The following PLXNA4 variants were observed in gnomAD, a reference collection of about 807,000 sequenced individuals.
PLXNA4 encodes the protein plexin-A4.
Under a neutral mutation model 191.8 loss-of-function variants are expected in PLXNA4, and 44 were observed. That is an observed-to-expected ratio of 0.23 (90% CI 0.18 to 0.29). The LOEUF is 0.29. Among genes scored for constraint, PLXNA4 ranks in the 10% least tolerant of loss-of-function variants. The pLI, the probability that PLXNA4 is intolerant of heterozygous loss-of-function variation, is 1.00. For synonymous variants in PLXNA4, 1,082 were observed against 1,009.5 expected, an observed-to-expected ratio of 1.07 and a Z score of -1.36; for missense variants, 1,800 against 2,488.8, an observed-to-expected ratio of 0.72 and a Z score of 5.89.
chr7:132,364,141 C>T (rs1234708973), intron 3 of PLXNA4, among the ~76,000 whole-genome samples: 1 of 152,164 alleles, frequency 6.6e-6, no homozygotes, highest in Non-Finnish European at 1.5e-5. Context: ...AGAATGCAGA[C>T]CCCTTCGTGG....
intron 2 of PLXNA4, among the ~76,000 whole-genome samples, chr7:132,632,912 C>T (rs1424632432): frequency 6.6e-6 from 1 of 152,124 alleles, no homozygotes; most frequent in Non-Finnish European, 1.5e-5. Flanking sequence ...ATTAGCTCTT[C>T]TAATCTCTGT....
chr7:132,341,323 TATA>T (rs1803018574), intron 3 of PLXNA4, among the ~76,000 whole-genome samples: 2 of 152,144 alleles, frequency 1.3e-5, no homozygotes, highest in Non-Finnish European at 2.9e-5. Flanking sequence ...TACAGCACAC[TATA>T]ATTTTATGTA....
At chr7:132,451,298 G>T (rs1796114475) in intron 3 of PLXNA4, among the ~76,000 whole-genome samples, 1 of 152,118 alleles carries the variant, frequency 6.6e-6, no homozygotes, top group South Asian at 2.1e-4. Context: ...TGCACCCTGG[G>T]CCTCCTCTTT....
chr7:132,447,742 C>T (rs925419954), intron 3 of PLXNA4, among the ~76,000 whole-genome samples: 2 of 151,926 alleles, frequency 1.3e-5, no homozygotes, highest in African/African-American at 4.8e-5. Flanking sequence ...AATGCCAACA[C>T]TTTGGGAGGC....
At chr7:132,381,415 T>C (rs1488069830) in intron 3 of PLXNA4, among the ~76,000 whole-genome samples, 1 of 152,234 alleles carries the variant, frequency 6.6e-6, no homozygotes, top group Non-Finnish European at 1.5e-5. Context: ...AATGGCCAAA[T>C]AAGTTTGAAG....
chr7:132,577,902 G>A (rs987653867), upstream of PLXNA4, among the ~76,000 whole-genome samples: 1 of 152,106 alleles, frequency 6.6e-6, no homozygotes, highest in Non-Finnish European at 1.5e-5. Flanking sequence ...CGAGGACACT[G>A]AGGGCACAAG....
intron 1 of PLXNA4, among the ~76,000 whole-genome samples, chr7:132,547,321 G>A (rs1244189495): frequency 6.6e-6 from 1 of 152,108 alleles, no homozygotes; most frequent in Non-Finnish European, 1.5e-5. Context: ...CAAACTGGTG[G>A]GATGTGAATT....
chr7:132,557,215 G>A (rs1800838990), intron 1 of PLXNA4, among the ~76,000 whole-genome samples: 2 of 152,146 alleles, frequency 1.3e-5, no homozygotes. Flanking sequence ...AATTAGATGT[G>A]GAGTCAGACC....
chr7:132,504,988 G>A (rs527557137), intron 2 of PLXNA4, among the ~76,000 whole-genome samples: 6 of 152,190 alleles, frequency 3.9e-5, no homozygotes, highest in Non-Finnish European at 8.8e-5. Context: ...AAAGGAACTC[G>A]GGTATCTGCC....
rs201014370 is a variant in PLXNA4 at position 132,187,648 on chromosome 7, G to T, written c.2857-41C>A. ...GTGGCCTGAGACACAACCAGGAAGG[G>T]GTGGAGGAGGCTTCTGGGCAGGCGT... On this transcript the variant is annotated intron_variant, in intron 14 of 31. Coordinates refer to ENST00000321063, the MANE Select transcript of PLXNA4 (RefSeq NM_020911.2). 193 of 1,573,360 alleles carry T rather than the reference G, an allele frequency of 1.2e-4. 3 individuals are homozygous for T. The South Asian group carries it at 2.1e-3, about 17-fold the overall frequency.
In PLXNA4 at chr7:132,209,148, T is replaced by C. The variant is rs530730861; in HGVS notation, c.2298+1795A>G. ...CTCATGCTGTTGTCTGGAGTATCTT[T>C]GTCTATTAACGGAGTCAACCAAAGG... On this transcript the variant is annotated intron_variant, in intron 10 of 31. Transcript: ENST00000321063. Among the ~76,000 whole-genome samples the C allele has an allele frequency of 4.6e-5, 7 of 152,346 alleles. No homozygotes were observed. The East Asian group carries it at 1.4e-3, about 29-fold the overall frequency.
Position 132,127,345 on chromosome 7 carries a change from G to T in PLXNA4, c.*3134C>A, listed in dbSNP as rs1234963806. 6.6e-6 allele frequency: 1 copy of T among 152,024 alleles called. No individual in the cohort carries two copies. Among genetic ancestry groups the T allele is most frequent in the African/African-American group, 2.4e-5 (1 of 41,384 alleles). The allele number at this position is 152,024 out of a possible 1,614,324, so 9.4% of individuals were successfully genotyped here. On this transcript the variant is annotated 3_prime_UTR_variant, in exon 32 of 32. Coordinates refer to ENST00000321063, the MANE Select transcript of PLXNA4 (RefSeq NM_020911.2). ...TTGCCTCGAGGGAGGCCGTGAAGGGGCCTCCATCCCACAGGACAAAGTTGG... is the reference window on the plus strand; with the variant it reads ...TTGCCTCGAGGGAGGCCGTGAAGGGTCCTCCATCCCACAGGACAAAGTTGG...
intron 13 of PLXNA4, among the ~76,000 whole-genome samples, chr7:132,197,798 A>G (rs1351449973): frequency 6.6e-6 from 1 of 152,250 alleles, no homozygotes; most frequent in Non-Finnish European, 1.5e-5. Context: ...CGAAGAGTCA[A>G]TAACTTATGC....
At chr7:132,151,576 AAAG>A (rs1795642454) in intron 25 of PLXNA4, among the ~76,000 whole-genome samples, 3 of 22,854 alleles carry the variant, frequency 1.3e-4, no homozygotes, top group South Asian at 1.6e-3. Flanking sequence ...GGAGGAGGAG[AAAG>A]GAGGAGGAGA....
At chr7:132,452,811 T>C (rs1796171969) in intron 3 of PLXNA4, among the ~76,000 whole-genome samples, 1 of 152,186 alleles carries the variant, frequency 6.6e-6, no homozygotes, top group African/African-American at 2.4e-5. Flanking sequence ...TGGTCAGAAA[T>C]GCAGGTCCTA....
intron 14 of PLXNA4, among the ~76,000 whole-genome samples, chr7:132,192,593 T>G (rs1399440375): frequency 6.6e-6 from 1 of 151,100 alleles, no homozygotes; most frequent in African/African-American, 2.4e-5. Flanking sequence ...GGAAGGAGAA[T>G]GAAAGCCAAA....
intron 5 of PLXNA4, among the ~76,000 whole-genome samples, chr7:132,229,260 T>C (rs907163773): frequency 3.9e-5 from 6 of 152,212 alleles, no homozygotes; most frequent in Non-Finnish European, 5.9e-5. Context: ...TCTTCAGTGC[T>C]CTGTGCTGTG....
chr7:132,440,008 GTGTA>G (rs1156732877), intron 3 of PLXNA4, among the ~76,000 whole-genome samples: 3 of 151,902 alleles, frequency 2.0e-5, no homozygotes, highest in Admixed American at 6.6e-5. Context: ...GTGTGTGTGT[GTGTA>G]TGTGTGTGTG....
At chr7:132,461,558 A>G (rs1796504316) in intron 3 of PLXNA4, among the ~76,000 whole-genome samples, 1 of 152,260 alleles carries the variant, frequency 6.6e-6, no homozygotes, top group South Asian at 2.1e-4. Context: ...ACTGGAGGCT[A>G]TAGATTAAAA....
Sources: allele counts gnomAD v4.1 joint callset (sites outside exome capture counted in the v4.1 genomes callset), GRCh38; gene constraint gnomAD v4.1.1; transcripts MANE v1.5; gene names NCBI Gene and HGNC (gene_info 2026-07-23, HGNC 2026-07-21).